The following BUD13 variants were observed in gnomAD, a reference collection of about 807,000 sequenced individuals.
The protein encoded by BUD13 is BUD13 spliceosome associated protein.
Under a neutral mutation model 62.5 loss-of-function variants are expected in BUD13, and 47 were observed. The ratio of observed to expected loss-of-function variants is 0.75; its 90% CI spans 0.60 to 0.96. The LOEUF is 0.96. Ranked by LOEUF, BUD13 falls within the 40% of genes least tolerant of loss-of-function variation. The pLI is 0.00. For synonymous variants in BUD13, 293 were observed against 280.1 expected (o/e 1.05, Z -0.46); for missense variants, 821 against 790.9 (o/e 1.04, Z -0.46).
chr11:116,752,623 T>C lies in BUD13; in HGVS notation c.1767-4048A>G, dbSNP rs539887646. Among the ~76,000 whole-genome samples the C allele has an allele frequency of 2.0e-5, 3 of 152,306 alleles. No individual in the cohort carries two copies. In the East Asian group the frequency reaches 5.8e-4, roughly 29 times the overall value. On this transcript the variant is annotated intron_variant, in intron 9 of 9. Transcript: ENST00000260210. ...ATAAAAAGATCTACTTCTGGCTGTA[T>C]GTATGGCAAATGAGTGTTCTGAAAA...
At chr11:116,760,653 T>C in intron 5 of BUD13, 82 bp downstream of exon 5, 2 of 1,435,044 alleles carry the variant, frequency 1.4e-6, no homozygotes, top group Non-Finnish European at 2.0e-6. Context: ...TCCTTCTTCT[T>C]GGCTTGATTC....
At chr11:116,750,441 G>A (rs1267708301) in intron 9 of BUD13, among the ~76,000 whole-genome samples, 2 of 152,066 alleles carry the variant, frequency 1.3e-5, no homozygotes, top group African/African-American at 2.4e-5. Context: ...ATTAGAACCT[G>A]GCCATTGTTT....
intron 1 of BUD13, among the ~76,000 whole-genome samples, chr11:116,772,467 C>G (rs1940646706): frequency 6.6e-6 from 1 of 152,164 alleles, no homozygotes; most frequent in African/African-American, 2.4e-5. Context: ...AGGCAGGTAC[C>G]GGGCCCTAAA....
chr11:116,754,003 T>TA (rs1486981286), intron 9 of BUD13, among the ~76,000 whole-genome samples: 1 of 152,212 alleles, frequency 6.6e-6, no homozygotes, highest in Non-Finnish European at 1.5e-5. Flanking sequence ...ATTCAGAAGA[T>TA]AGACTATCCA....
intron 9 of BUD13, among the ~76,000 whole-genome samples, chr11:116,753,439 T>A (rs1251395851): frequency 6.6e-6 from 1 of 152,226 alleles, no homozygotes; most frequent in Non-Finnish European, 1.5e-5. Flanking sequence ...GTAGCTGCCG[T>A]CCACTGCAAA....
In BUD13 at chr11:116,757,982, T is replaced by C. The variant is rs757022152; in HGVS notation, c.1500-32A>G. 9.3e-6 allele frequency: 15 copies of C among 1,609,798 alleles called. No individual in the cohort carries two copies. The Admixed American group carries it at 2.3e-4, about 25-fold the overall frequency. On this transcript the variant is annotated intron_variant, in intron 7 of 9. Transcript: ENST00000260210. ...AAAAAGGAACCAAGAGTGTTTGCTA[T>C]CCTGTATGACATTTCCACTTCTACA...
intron 2 of BUD13, among the ~76,000 whole-genome samples, chr11:116,768,834 T>C (rs1172806642): frequency 6.6e-6 from 1 of 151,576 alleles, no homozygotes. Context: ...AAACCCTGTC[T>C]CTACTAAAAA....
chr11:116,761,779 T>G (rs1940435965), intron 4 of BUD13, among the ~76,000 whole-genome samples: 1 of 152,186 alleles, frequency 6.6e-6, no homozygotes, highest in Admixed American at 6.5e-5. Flanking sequence ...AGGCCTAAGT[T>G]CTAGCGACTG....
chr11:116,760,640 A>T, intron 5 of BUD13, 95 bp downstream of exon 5: 1 of 1,352,350 alleles, frequency 7.4e-7, no homozygotes, highest in Non-Finnish European at 1.0e-6. Flanking sequence ...TCTCAGAGCT[A>T]CATCCTTCTT....
chr11:116,748,671 GA>G (rs1940181078), intron 9 of BUD13, 96 bp from the exon 10 acceptor site: 1 of 1,228,634 alleles, frequency 8.1e-7, no homozygotes, highest in African/African-American at 1.5e-5. Context: ...GAAAAGGGGG[GA>G]AAGTAAGGAG....
At position 116,757,937 on chromosome 11, in the gene BUD13, G is replaced by A. The variant is rs375219836; in HGVS notation, c.1513C>T (p.Arg505Trp). 19 of 1,613,650 alleles carry A rather than the reference G, an allele frequency of 1.2e-5. No individual in the cohort carries two copies. Among genetic ancestry groups the A allele is most frequent in the Admixed American group, 5.0e-5 (3 of 59,974 alleles). Residue 505 changes from arginine to tryptophan, a missense_variant, in exon 8 of 10, where the codon CGG (arginine) becomes TGG (tryptophan). Physicochemically the swap from Arg to Trp is moderately radical, Grantham distance 101. Transcript: ENST00000260210. ...TCCTCCACATTTTGTTGCTGTTGCC[G>A]GCTCTGGGCAAGCCTGGGCAAAAAG... Reference protein sequence around the residue: ...AQWGKGLAQSRQQQQNVEDAM... With the variant: ...AQWGKGLAQSWQQQQNVEDAM...
rs1447439926 is a variant in BUD13, at chr11:116,772,930, TAC to T, written c.33_34del (p.Tyr12SerfsTer17). On this transcript the variant is annotated frameshift_variant, in exon 1 of 10. Transcript: ENST00000260210. LOFTEE classifies it high-confidence loss of function. ...TGCCCCGGACAAGTAACGCTTCAGATACTCGGCCTTGGAAAGCGGCGGAGCTG... is the reference window on the plus strand; with the variant it reads ...TGCCCCGGACAAGTAACGCTTCAGATTCGGCCTTGGAAAGCGGCGGAGCTG... 1 of 1,584,306 alleles carries T rather than the reference TAC, an allele frequency of 6.3e-7. No individual in the cohort carries two copies. Among genetic ancestry groups the T allele is most frequent in the Non-Finnish European group, 8.6e-7 (1 of 1,165,536 alleles).
chr11:116,755,600 G>C (rs1258794242), intron 9 of BUD13, among the ~76,000 whole-genome samples: 1 of 152,138 alleles, frequency 6.6e-6, no homozygotes, highest in African/African-American at 2.4e-5. Flanking sequence ...AACTACCTAT[G>C]TGTGAGGCTA....
At chr11:116,753,494 A>T (rs1940275622) in intron 9 of BUD13, among the ~76,000 whole-genome samples, 1 of 152,242 alleles carries the variant, frequency 6.6e-6, no homozygotes, top group Admixed American at 6.5e-5. Flanking sequence ...TGCTAGAATA[A>T]AAACTAACAC....
chr11:116,758,891 C>T (rs1269630191), intron 6 of BUD13, among the ~76,000 whole-genome samples, 183 bp downstream of exon 6: 1 of 151,684 alleles, frequency 6.6e-6, no homozygotes, highest in African/African-American at 2.4e-5. Flanking sequence ...CGCGCCTGGG[C>T]GAAATGGCAT....
Position 116,748,423 on chromosome 11 carries a change from G to C in BUD13, c.*59C>G. Reference sequence around the variant, plus strand: ...TTAGCACAGACAACTGTTACCACTGGATATCTCGCTGCCTATGCCCACTAC... The same window carrying C: ...TTAGCACAGACAACTGTTACCACTGCATATCTCGCTGCCTATGCCCACTAC... On this transcript the variant is annotated 3_prime_UTR_variant, in exon 10 of 10. Coordinates refer to ENST00000260210, the MANE Select transcript of BUD13 (RefSeq NM_032725.4). The C allele has an allele frequency of 6.9e-7, 1 of 1,449,824 alleles. No homozygotes were observed. Among genetic ancestry groups the C allele is most frequent in the South Asian group, 1.1e-5 (1 of 87,288 alleles). 89.8% of individuals were successfully genotyped at this position (1,449,824 alleles called of 1,614,324 possible).
At chr11:116,766,606 G>A (rs1239080491) in intron 2 of BUD13, among the ~76,000 whole-genome samples, 5 of 152,206 alleles carry the variant, frequency 3.3e-5, no homozygotes, top group Non-Finnish European at 7.3e-5. Context: ...TTGTAAAAGT[G>A]GGATTCAAAG....
intron 7 of BUD13, 90 bp from the exon 8 acceptor site, chr11:116,758,040 C>T: frequency 6.6e-7 from 1 of 1,523,448 alleles, no homozygotes; most frequent in Non-Finnish European, 8.9e-7. Context: ...TTTGGACAAT[C>T]TCCTCTTTCT....
intron 6 of BUD13, among the ~76,000 whole-genome samples, chr11:116,758,781 A>C (rs1375470905): frequency 6.6e-6 from 1 of 151,626 alleles, no homozygotes; most frequent in East Asian, 1.9e-4. Flanking sequence ...TGGTAGAGAC[A>C]GGGTTTCATC....
Sources: gnomAD v4.1 joint callset for allele counts (sites outside exome capture counted in the v4.1 genomes callset) on GRCh38, gnomAD v4.1.1 for gene constraint, MANE v1.5 for transcripts, NCBI Gene and HGNC (gene_info 2026-07-23, HGNC 2026-07-21) for gene names.